The following MSRB3 variants were observed in gnomAD, a reference collection of about 807,000 sequenced individuals.
The protein encoded by MSRB3 is methionine sulfoxide reductase B3.
A neutral mutation model predicts 21.0 loss-of-function variants in MSRB3; 13 were observed. That is an observed-to-expected ratio of 0.62 (90% CI 0.40 to 0.98). The LOEUF (loss-of-function observed/expected upper bound fraction) is 0.98. Ranked by LOEUF, MSRB3 falls within the 50% of genes least tolerant of loss-of-function variation. The pLI, the probability that MSRB3 is intolerant of heterozygous loss-of-function variation, is 0.00. For synonymous variants in MSRB3, 87 were observed against 88.6 expected (o/e 0.98, Z 0.10); for missense variants, 199 against 230.3 (o/e 0.86, Z 0.88).
chr12:65,361,305 A>G (rs1877690520), intron 4 of MSRB3, among the ~76,000 whole-genome samples: 1 of 152,068 alleles, frequency 6.6e-6, no homozygotes. Flanking sequence ...AGATGGTAAG[A>G]CTCAAAATGG....
At chr12:65,360,638 G>A (rs183934288) in intron 4 of MSRB3, among the ~76,000 whole-genome samples, 3 of 152,052 alleles carry the variant, frequency 2.0e-5, no homozygotes, top group Admixed American at 2.0e-4. Context: ...TGGGAATGCA[G>A]GGAAAAAAAG....
chr12:65,373,240 T>C (rs1878420183), intron 5 of MSRB3, among the ~76,000 whole-genome samples: 1 of 152,210 alleles, frequency 6.6e-6, no homozygotes, highest in African/African-American at 2.4e-5. Context: ...GAATTCTGGG[T>C]ATAAGGATAT....
chr12:65,369,053 T>G, intron 5 of MSRB3, 27 bp downstream of exon 5: 1 of 1,500,602 alleles, frequency 6.7e-7, no homozygotes, highest in Non-Finnish European at 9.3e-7. Context: ...AATGCTCTTC[T>G]GAATATATTT....
chr12:65,386,706 G>A (rs562306299), intron 5 of MSRB3, among the ~76,000 whole-genome samples: 5 of 151,830 alleles, frequency 3.3e-5, no homozygotes, highest in African/African-American at 9.6e-5. Context: ...TTTAAGAGTA[G>A]TATTTTTAAA....
chr12:65,332,552 G>T (rs994150874), intron 4 of MSRB3, among the ~76,000 whole-genome samples: 2 of 152,076 alleles, frequency 1.3e-5, no homozygotes, highest in African/African-American at 2.4e-5. Flanking sequence ...AAGTTAATGG[G>T]TGCAGCACAC....
At chr12:65,416,112 T>G (rs1040269431) in intron 5 of MSRB3, among the ~76,000 whole-genome samples, 1 of 152,228 alleles carries the variant, frequency 6.6e-6, no homozygotes. Context: ...ATCTTACAAA[T>G]GGTTTGCTTG....
intron 2 of MSRB3, among the ~76,000 whole-genome samples, chr12:65,318,310 T>C (rs907419814): frequency 6.6e-5 from 10 of 152,300 alleles, no homozygotes; most frequent in African/African-American, 1.9e-4. Flanking sequence ...GTATACTCAA[T>C]GTTACATTTA....
intron 1 of MSRB3, among the ~76,000 whole-genome samples, chr12:65,290,854 A>G (rs147637678): frequency 1.3e-5 from 2 of 152,328 alleles, no homozygotes; most frequent in African/African-American, 2.4e-5. Context: ...TCAGACATAT[A>G]TAATTGCTAA....
rs1486371501 is a variant in MSRB3, at chr12:65,278,886, C to G, written c.-52+21C>G. On this transcript the variant is annotated intron_variant, in intron 1 of 6. Transcript: ENST00000308259. ...GTCCGGTAAGTTCGGGCTCCCCTCC[C>G]CTCTCCTCCTCGCCTCACCCCTCCC... is the stretch of plus-strand genomic sequence containing the variant. The G allele has an allele frequency of 5.2e-6, 8 of 1,550,348 alleles. No homozygotes were observed. In the East Asian group the frequency reaches 1.7e-4, roughly 33 times the overall value.
intron 1 of MSRB3, among the ~76,000 whole-genome samples, chr12:65,308,153 C>A (rs898867946): frequency 2.0e-5 from 3 of 152,138 alleles, no homozygotes; most frequent in Non-Finnish European, 4.4e-5. Context: ...ATAAAACCTA[C>A]CTCCTTGGTT....
intron 4 of MSRB3, among the ~76,000 whole-genome samples, chr12:65,357,588 TG>T (rs1397825694): frequency 6.6e-6 from 1 of 151,970 alleles, no homozygotes; most frequent in Non-Finnish European, 1.5e-5. Flanking sequence ...GTCCTTTTTC[TG>T]TTCCAGGATT....
At chr12:65,375,266 C>G (rs1233542883) in intron 5 of MSRB3, among the ~76,000 whole-genome samples, 1 of 152,096 alleles carries the variant, frequency 6.6e-6, no homozygotes, top group African/African-American at 2.4e-5. Flanking sequence ...AGGTTTGGGT[C>G]AGATAGATGT....
chr12:65,412,987 C>T (rs1339882581), intron 5 of MSRB3, among the ~76,000 whole-genome samples: 4 of 152,170 alleles, frequency 2.6e-5, no homozygotes, highest in East Asian at 1.9e-4. Context: ...ACTGCCCCCA[C>T]GATTCAGTTA....
chr12:65,438,696 C>T (rs1001414524), intron 5 of MSRB3, among the ~76,000 whole-genome samples: 27 of 151,626 alleles, frequency 1.8e-4, no homozygotes, highest in African/African-American at 6.5e-4. Flanking sequence ...CTTTATTTTA[C>T]TTGGGTGGGA....
intron 5 of MSRB3, among the ~76,000 whole-genome samples, chr12:65,414,646 T>C (rs911990526): frequency 1.3e-5 from 2 of 152,162 alleles, no homozygotes; most frequent in African/African-American, 4.8e-5. Flanking sequence ...CAAAATAGGC[T>C]AACAGCACAT....
chr12:65,324,673 C>T (rs948842160), intron 2 of MSRB3, among the ~76,000 whole-genome samples: 1 of 152,120 alleles, frequency 6.6e-6, no homozygotes, highest in Non-Finnish European at 1.5e-5. Context: ...AAGAGAGAAA[C>T]ATCTTTGCCT....
At chr12:65,375,887 CCTTA>C (rs1878585249) in intron 5 of MSRB3, among the ~76,000 whole-genome samples, 1 of 151,458 alleles carries the variant, frequency 6.6e-6, no homozygotes, top group Non-Finnish European at 1.5e-5. Context: ...AAGAATTTGG[CCTTA>C]CTACTTTTTA....
At chr12:65,441,210 C>T (rs892936803) in intron 5 of MSRB3, among the ~76,000 whole-genome samples, 1 of 151,916 alleles carries the variant, frequency 6.6e-6, no homozygotes, top group African/African-American at 2.4e-5. Context: ...TTGAAACCAT[C>T]AAATTGCAAG....
At chr12:65,336,809 G>A (rs1050729855) in intron 4 of MSRB3, among the ~76,000 whole-genome samples, 20 of 152,172 alleles carry the variant, frequency 1.3e-4, no homozygotes, top group African/African-American at 4.6e-4. Context: ...TTGAAAAATA[G>A]TTATTAAGAA....
Sources: gnomAD v4.1 joint callset for allele counts (sites outside exome capture counted in the v4.1 genomes callset) on GRCh38, gnomAD v4.1.1 for gene constraint, MANE v1.5 for transcripts, NCBI Gene and HGNC (gene_info 2026-07-23, HGNC 2026-07-21) for gene names.